The following ARRB1 variants were observed in gnomAD, a reference collection of about 807,000 sequenced individuals.
The protein encoded by ARRB1 is arrestin beta 1.
ARRB1 carries 21 observed loss-of-function variants against 56.8 expected under a neutral mutation model. The ratio of observed to expected loss-of-function variants is 0.37; its 90% CI spans 0.26 to 0.53. The LOEUF is 0.53. Ranked by LOEUF, ARRB1 falls within the 20% of genes least tolerant of loss-of-function variation. ARRB1 has a pLI of 0.88. For missense variants in ARRB1, 424 were observed against 553.7 expected, an observed-to-expected ratio of 0.77 and a Z score of 2.35; for synonymous variants, 210 against 218.6, an observed-to-expected ratio of 0.96 and a Z score of 0.35.
intron 1 of ARRB1, among the ~76,000 whole-genome samples, chr11:75,307,663 C>T (rs530847880): frequency 9.2e-5 from 14 of 152,336 alleles, no homozygotes; most frequent in Admixed American, 2.0e-4. Context: ...GTCTAACACA[C>T]GGGGAAGGTC....
rs1026358201 is a variant in ARRB1, at chr11:75,262,653, C to T, written c.*3510G>A. On this transcript the variant is annotated 3_prime_UTR_variant, in exon 16 of 16. Coordinates refer to ENST00000420843, the MANE Select transcript of ARRB1 (RefSeq NM_004041.5). ...TCTCATCTGGGCCTCATAACAATTC[C>T]TGCGTCAGGCAGGGAAGGGATTACA... 5.3e-5 allele frequency among the ~76,000 whole-genome samples: 8 copies of T among 152,200 alleles called. No individual in the cohort carries two copies. Among genetic ancestry groups the T allele is most frequent in the Admixed American group, 3.3e-4 (5 of 15,284 alleles).
chr11:75,342,629 G>A (rs1287157084), intron 1 of ARRB1, among the ~76,000 whole-genome samples: 3 of 152,180 alleles, frequency 2.0e-5, no homozygotes, highest in Non-Finnish European at 4.4e-5. Flanking sequence ...CCTAAGGAGG[G>A]ACTCCCTACT....
intron 7 of ARRB1, 87 bp from the exon 8 acceptor site, chr11:75,278,831 A>C: frequency 6.6e-7 from 1 of 1,509,448 alleles, no homozygotes; most frequent in Non-Finnish European, 8.9e-7. Flanking sequence ...TCTCCTGCTC[A>C]AGAGACTGGC....
chr11:75,345,791 C>T (rs1404381684), intron 1 of ARRB1, among the ~76,000 whole-genome samples: 2 of 152,106 alleles, frequency 1.3e-5, no homozygotes, highest in East Asian at 1.9e-4. Context: ...TTCAGTCTTA[C>T]GATTCACTAA....
chr11:75,349,946 C>A (rs1565151243), intron 1 of ARRB1, among the ~76,000 whole-genome samples: 1 of 152,258 alleles, frequency 6.6e-6, no homozygotes, highest in Non-Finnish European at 1.5e-5. Flanking sequence ...TGGACTCCAG[C>A]CTCCGCCCTG....
At chr11:75,332,125 C>T (rs1193293936) in intron 1 of ARRB1, among the ~76,000 whole-genome samples, 1 of 152,096 alleles carries the variant, frequency 6.6e-6, no homozygotes, top group East Asian at 1.9e-4. Flanking sequence ...CTGCCCCACC[C>T]CTATCTCTCT....
In ARRB1 at chr11:75,268,510, CAAAAAAAAAAA is replaced by C. The variant is rs61409833; in HGVS notation, c.1093+368_1093+378del. Among the ~76,000 whole-genome samples the C allele has an allele frequency of 4.2e-3, 260 of 61,454 alleles. 1 individual carries two copies. The highest frequency in any genetic ancestry group is 0.013 in the African/African-American group (244 of 18,922). The allele number at this position is 61,454 out of a possible 152,430, so 40.3% of individuals were successfully genotyped here. On this transcript the variant is annotated intron_variant, in intron 14 of 15. Coordinates refer to ENST00000420843, the MANE Select transcript of ARRB1 (RefSeq NM_004041.5). ...ACAGAGTGAGACTGTGTCTCAAAACCAAAAAAAAAAAAAAAAAAAAAAAAAAGAAGAAGAAA... is the reference window on the plus strand; with the variant it reads ...ACAGAGTGAGACTGTGTCTCAAAACCAAAAAAAAAAAAAAAGAAGAAGAAA...
chr11:75,293,068 A>C (rs1382290172), intron 1 of ARRB1, among the ~76,000 whole-genome samples: 1 of 152,044 alleles, frequency 6.6e-6, no homozygotes, highest in African/African-American at 2.4e-5. Flanking sequence ...GGAGAGGGGC[A>C]AGGGGCACAG....
At chr11:75,276,372 A>AT (rs1177291418) in intron 10 of ARRB1, among the ~76,000 whole-genome samples, 3 of 152,148 alleles carry the variant, frequency 2.0e-5, no homozygotes, top group African/African-American at 4.8e-5. Context: ...AACCTAGATG[A>AT]TTTTTTTGTG....
At chr11:75,350,374 A>G (rs1362322918) in intron 1 of ARRB1, among the ~76,000 whole-genome samples, 1 of 152,152 alleles carries the variant, frequency 6.6e-6, no homozygotes, top group Non-Finnish European at 1.5e-5. Context: ...GGAGGGGAGG[A>G]AAGGAAGGAG....
At chr11:75,272,720 A>AGCGG in intron 12 of ARRB1, 175 bp downstream of exon 12, 1 of 605,968 alleles carries the variant, frequency 1.7e-6, no homozygotes, top group Non-Finnish European at 2.9e-6. Context: ...AGAGAGGGAA[A>AGCGG]GCGGGCGGGG....
chr11:75,319,773 G>A (rs2140493622), intron 1 of ARRB1, among the ~76,000 whole-genome samples: 1 of 152,244 alleles, frequency 6.6e-6, no homozygotes, highest in Non-Finnish European at 1.5e-5. Flanking sequence ...ACAGGGAAAG[G>A]GACCGTAAGG....
At chr11:75,301,129 C>A (rs1283468549) in intron 1 of ARRB1, among the ~76,000 whole-genome samples, 1 of 147,558 alleles carries the variant, frequency 6.8e-6, no homozygotes, top group South Asian at 2.1e-4. Context: ...GGCAACAGAG[C>A]GAGACTCCAT....
intron 1 of ARRB1, among the ~76,000 whole-genome samples, chr11:75,332,248 A>C (rs1173351618): frequency 6.6e-6 from 1 of 152,194 alleles, no homozygotes; most frequent in Non-Finnish European, 1.5e-5. Flanking sequence ...GTGTGTGACA[A>C]TTGCGAGATA....
At chr11:75,334,734 G>C (rs1226317089) in intron 1 of ARRB1, among the ~76,000 whole-genome samples, 1 of 152,194 alleles carries the variant, frequency 6.6e-6, no homozygotes, top group African/African-American at 2.4e-5. Flanking sequence ...GCCTGCCCCA[G>C]AACTGGCTCC....
At chr11:75,281,554 CA>C (rs1299708093) in intron 6 of ARRB1, 1 of 321,816 alleles carries the variant, frequency 3.1e-6, no homozygotes, top group African/African-American at 2.1e-5. Context: ...CTCCATCTTG[CA>C]GATGAGGAAG....
chr11:75,287,986 C>A (rs978389279), intron 2 of ARRB1, among the ~76,000 whole-genome samples: 1 of 152,126 alleles, frequency 6.6e-6, no homozygotes, highest in African/African-American at 2.4e-5. Flanking sequence ...CCTCAGCCTC[C>A]TAAGTAGCTG....
chr11:75,321,176 T>C (rs1381660316), intron 1 of ARRB1, among the ~76,000 whole-genome samples: 2 of 152,026 alleles, frequency 1.3e-5, no homozygotes, highest in African/African-American at 2.4e-5. Context: ...GGCCTCCAGG[T>C]AGGTAAGAAC....
In ARRB1 at chr11:75,283,264, C is replaced by T. The variant is rs747189211; in HGVS notation, c.354+23G>A. On this transcript the variant is annotated intron_variant, in intron 5 of 15. Transcript: ENST00000420843. ...TAGAGGTGGCATTTCTGGAATGGGG[C>T]CCCAGGGATGGCAGTTCCTGACCTC... 6.4e-6 allele frequency: 10 copies of T among 1,571,218 alleles called. No homozygotes were observed. In the East Asian group the frequency reaches 2.0e-4, roughly 32 times the overall value.
Sources: gnomAD v4.1 joint callset for allele counts (sites outside exome capture counted in the v4.1 genomes callset) on GRCh38, gnomAD v4.1.1 for gene constraint, MANE v1.5 for transcripts, NCBI Gene and HGNC (gene_info 2026-07-23, HGNC 2026-07-21) for gene names.